Variants in KSR2 observed in about 807,000 individuals in gnomAD.
KSR2 encodes the protein kinase suppressor of ras 2.
Under a neutral mutation model 107.8 loss-of-function variants are expected in KSR2, and 25 were observed. The observed-to-expected ratio is 0.23, with a 90% CI of 0.17 to 0.32. The LOEUF (loss-of-function observed/expected upper bound fraction) is 0.32. Among genes scored for constraint, KSR2 ranks in the 10% least tolerant of loss-of-function variants. KSR2 has a pLI of 1.00. For missense variants in KSR2, 887 were observed against 1,268.9 expected (o/e 0.70, Z 4.57); for synonymous variants, 480 against 507.0 (o/e 0.95, Z 0.71).
In KSR2 at chr12:117,830,288, T is replaced by C. The variant is rs537085343; in HGVS notation, c.472+25140A>G. ...CATCTCAAAAATAAAAAAAAAAAAGTAGGAACTAAACATTGGGTATACATG... is the reference window on the plus strand; with the variant it reads ...CATCTCAAAAATAAAAAAAAAAAAGCAGGAACTAAACATTGGGTATACATG... On this transcript the variant is annotated intron_variant, in intron 3 of 19. Coordinates refer to ENST00000339824, the MANE Select transcript of KSR2 (RefSeq NM_173598.6). 1.4e-4 allele frequency among the ~76,000 whole-genome samples: 20 copies of C among 147,602 alleles called. 1 individual carries two copies. Among genetic ancestry groups the C allele is most frequent in the African/African-American group, 5.0e-4 (20 of 40,328 alleles).
At chr12:117,808,722 C>T (rs1249455323) in intron 3 of KSR2, among the ~76,000 whole-genome samples, 1 of 152,080 alleles carries the variant, frequency 6.6e-6, no homozygotes, top group Non-Finnish European at 1.5e-5. Flanking sequence ...CATTCCAGCC[C>T]TGGTGAATTC....
rs370444989 is a variant in KSR2, at chr12:117,815,888, T to C, written c.472+39540A>G. Among the ~76,000 whole-genome samples the C allele has an allele frequency of 9.2e-5, 14 of 151,868 alleles. No individual in the cohort carries two copies. In the East Asian group the frequency reaches 2.5e-3, roughly 27 times the overall value. ...TACTCGGGAGGCTGAGGCAGGAGAATTGCTTGAACCTGGGAGGCAGAGGTT... is the reference window on the plus strand; with the variant it reads ...TACTCGGGAGGCTGAGGCAGGAGAACTGCTTGAACCTGGGAGGCAGAGGTT... On this transcript the variant is annotated intron_variant, in intron 3 of 19. Transcript: ENST00000339824.
intron 4 of KSR2, among the ~76,000 whole-genome samples, chr12:117,745,796 C>G (rs767087165): frequency 6.6e-6 from 1 of 152,030 alleles, no homozygotes; most frequent in African/African-American, 2.4e-5. Flanking sequence ...AATAGACAAG[C>G]AGAGAGCCAA....
intron 16 of KSR2, among the ~76,000 whole-genome samples, chr12:117,483,856 T>G (rs868709660): frequency 1.3e-5 from 2 of 152,322 alleles, no homozygotes; most frequent in African/African-American, 4.8e-5. Flanking sequence ...CGTGTTCTCA[T>G]TTTATCCTCA....
chr12:117,821,556 A>C (rs2137080003), intron 3 of KSR2, among the ~76,000 whole-genome samples: 1 of 152,342 alleles, frequency 6.6e-6, no homozygotes, highest in East Asian at 1.9e-4. Flanking sequence ...GCTTCCAGTC[A>C]ATGGTAGGCC....
intron 3 of KSR2, among the ~76,000 whole-genome samples, chr12:117,766,610 C>A (rs1239906878): frequency 6.6e-6 from 1 of 152,016 alleles, no homozygotes; most frequent in Non-Finnish European, 1.5e-5. Flanking sequence ...GAATCCTAAG[C>A]TAGAAAAAGT....
chr12:117,644,899 G>C (rs75716529), intron 5 of KSR2, among the ~76,000 whole-genome samples: 4,691 of 152,228 alleles, frequency 0.031, 238 homozygotes, highest in African/African-American at 0.11. Flanking sequence ...CGCGTGCTCA[G>C]CATCCCTATT....
chr12:117,724,889 A>C (rs974422339), intron 4 of KSR2, among the ~76,000 whole-genome samples: 5 of 152,092 alleles, frequency 3.3e-5, no homozygotes, highest in African/African-American at 9.7e-5. Context: ...AGAAGTCAAG[A>C]GAGTCAAAGA....
chr12:117,852,909 C>T (rs752598086), intron 3 of KSR2, among the ~76,000 whole-genome samples: 4 of 152,232 alleles, frequency 2.6e-5, no homozygotes, highest in Non-Finnish European at 5.9e-5. Context: ...TCAAGAGATT[C>T]TCCTGCCTCA....
intron 19 of KSR2, among the ~76,000 whole-genome samples, chr12:117,468,847 G>A (rs1871281591): frequency 6.6e-6 from 1 of 152,170 alleles, no homozygotes; most frequent in Non-Finnish European, 1.5e-5. Flanking sequence ...GTATAGATCT[G>A]AGTGCAGCTG....
intron 4 of KSR2, among the ~76,000 whole-genome samples, chr12:117,682,020 A>T (rs1048299030): frequency 6.6e-6 from 1 of 152,224 alleles, no homozygotes; most frequent in Admixed American, 6.5e-5. Flanking sequence ...AATCAACCCA[A>T]ATGCCCATCA....
intron 4 of KSR2, among the ~76,000 whole-genome samples, chr12:117,738,408 C>T (rs544137399): frequency 1.3e-5 from 2 of 152,330 alleles, no homozygotes; most frequent in African/African-American, 4.8e-5. Flanking sequence ...ACCTAGATGA[C>T]GTAGCCTACT....
intron 4 of KSR2, among the ~76,000 whole-genome samples, chr12:117,685,045 G>T (rs1265476499): frequency 1.3e-5 from 2 of 152,130 alleles, no homozygotes; most frequent in African/African-American, 4.8e-5. Flanking sequence ...TCTTTAACTG[G>T]ACACTGACAA....
Position 117,741,439 on chromosome 12 carries a change from C to A in KSR2, c.986+19572G>T, listed in dbSNP as rs191054572. On this transcript the variant is annotated intron_variant, in intron 4 of 19. Coordinates refer to ENST00000339824, the MANE Select transcript of KSR2 (RefSeq NM_173598.6). ...ACTCAGGAGGCTGAGGCAGGAAGAT[C>A]ACTTGAGCCCAGGATGTCGAGGCTG... is the stretch of plus-strand genomic sequence containing the variant. 3.3e-5 allele frequency among the ~76,000 whole-genome samples: 5 copies of A among 152,286 alleles called. No individual in the cohort carries two copies. In the East Asian group the frequency reaches 9.7e-4, roughly 29 times the overall value.
intron 9 of KSR2, among the ~76,000 whole-genome samples, chr12:117,551,796 C>A (rs1877331650): frequency 6.6e-6 from 1 of 152,066 alleles, no homozygotes; most frequent in Non-Finnish European, 1.5e-5. Flanking sequence ...ATCTTGTCCA[C>A]CTTCATGTCA....
chr12:117,565,937 T>C (rs117835011), intron 7 of KSR2, among the ~76,000 whole-genome samples: 2,867 of 152,308 alleles, frequency 0.019, 39 homozygotes, highest in Middle Eastern at 0.031. Context: ...TAACTGTTAC[T>C]TTTCCCCCCA....
intron 5 of KSR2, among the ~76,000 whole-genome samples, chr12:117,664,186 G>A (rs1397238254): frequency 2.0e-5 from 3 of 152,160 alleles, no homozygotes; most frequent in Admixed American, 1.3e-4. Flanking sequence ...CAGGGGAGTA[G>A]GGTAAGCCCC....
chr12:117,733,714 C>T (rs145755548), intron 4 of KSR2, among the ~76,000 whole-genome samples: 1 of 152,154 alleles, frequency 6.6e-6, no homozygotes, highest in Admixed American at 6.5e-5. Context: ...GTGCCCGAAT[C>T]TTACTTCCCC....
At chr12:117,814,267 T>C (rs1019964761) in intron 3 of KSR2, among the ~76,000 whole-genome samples, 2 of 152,158 alleles carry the variant, frequency 1.3e-5, no homozygotes, top group African/African-American at 4.8e-5. Context: ...AGAGATTGAA[T>C]GTTCCCAAGA....
Sources: allele counts gnomAD v4.1 joint callset (sites outside exome capture counted in the v4.1 genomes callset), GRCh38; gene constraint gnomAD v4.1.1; transcripts MANE v1.5; gene names NCBI Gene and HGNC (gene_info 2026-07-23, HGNC 2026-07-21).